The following CCDC148 variants were observed in gnomAD, a reference collection of about 807,000 sequenced individuals.
CCDC148 encodes the protein coiled-coil domain-containing protein 148.
Under a neutral mutation model 85.7 loss-of-function variants are expected in CCDC148, and 89 were observed. The ratio of observed to expected loss-of-function variants is 1.04; its 90% CI spans 0.87 to 1.24. The LOEUF (loss-of-function observed/expected upper bound fraction) is 1.24, where lower values mean the gene tolerates loss of function less well. Ranked by LOEUF, CCDC148 falls within the 50% of genes most tolerant of loss-of-function variation. The probability of loss-of-function intolerance (pLI) is 0.00; values close to 1 mark genes in which losing one functional copy is unlikely to be tolerated. For synonymous variants in CCDC148, 230 were observed against 213.9 expected, an observed-to-expected ratio of 1.08 and a Z score of -0.66; for missense variants, 692 against 671.7, an observed-to-expected ratio of 1.03 and a Z score of -0.33.
intron 10 of CCDC148, among the ~76,000 whole-genome samples, chr2:158,248,667 G>C (rs1430453546): frequency 2.6e-5 from 4 of 152,052 alleles, no homozygotes; most frequent in Non-Finnish European, 5.9e-5. Flanking sequence ...GGACAAAAAT[G>C]CATTCTAGGC....
intron 11 of CCDC148, among the ~76,000 whole-genome samples, chr2:158,203,222 C>T (rs1686058933): frequency 6.6e-6 from 1 of 152,154 alleles, no homozygotes; most frequent in African/African-American, 2.4e-5. Flanking sequence ...GAGGTCTTTA[C>T]CTTGACAGAT....
At chr2:158,281,182 T>C (rs1005688863) in intron 9 of CCDC148, among the ~76,000 whole-genome samples, 2 of 151,564 alleles carry the variant, frequency 1.3e-5, no homozygotes, top group Non-Finnish European at 2.9e-5. Flanking sequence ...GCAGGAAAGA[T>C]CCAAAATTGA....
In CCDC148 at chr2:158,321,183, T is replaced by C. The variant is rs1692504140; in HGVS notation, c.765-7289A>G. Reference sequence around the variant, plus strand: ...TGGTTTTTGGTGTTTAAAGGAAGAGTATAAAACCATAAAGTAGTTATTATG... The same window carrying C: ...TGGTTTTTGGTGTTTAAAGGAAGAGCATAAAACCATAAAGTAGTTATTATG... On this transcript the variant is annotated intron_variant, in intron 7 of 13. Coordinates refer to ENST00000283233, the MANE Select transcript of CCDC148 (RefSeq NM_138803.4). 2.6e-5 allele frequency among the ~76,000 whole-genome samples: 4 copies of C among 151,996 alleles called. No individual in the cohort carries two copies. The South Asian group carries it at 8.3e-4, about 32-fold the overall frequency.
intron 1 of CCDC148, among the ~76,000 whole-genome samples, chr2:158,419,578 T>C (rs1686671006): frequency 6.6e-6 from 1 of 152,204 alleles, no homozygotes; most frequent in Non-Finnish European, 1.5e-5. Context: ...ATAGGATTAG[T>C]AATGTTTGTA....
At chr2:158,357,924 T>C (rs1683744505) in intron 2 of CCDC148, among the ~76,000 whole-genome samples, 1 of 152,148 alleles carries the variant, frequency 6.6e-6, no homozygotes, top group African/African-American at 2.4e-5. Context: ...TCACAGTGTG[T>C]GAGTAATCCT....
intron 9 of CCDC148, among the ~76,000 whole-genome samples, chr2:158,282,526 C>G (rs575780950): frequency 6.6e-6 from 1 of 152,156 alleles, no homozygotes; most frequent in Non-Finnish European, 1.5e-5. Context: ...CTCCCATTCA[C>G]AATTGCTTCA....
intron 7 of CCDC148, among the ~76,000 whole-genome samples, chr2:158,323,620 C>G (rs1692620920): frequency 6.6e-6 from 1 of 152,244 alleles, no homozygotes; most frequent in Admixed American, 6.5e-5. Context: ...GCTCTCTATT[C>G]AGATGTGCAG....
chr2:158,373,204 C>A (rs1574713153), intron 1 of CCDC148, among the ~76,000 whole-genome samples: 1 of 152,028 alleles, frequency 6.6e-6, no homozygotes, highest in Non-Finnish European at 1.5e-5. Context: ...GTTGAAGAAG[C>A]ATGAAACCAT....
chr2:158,329,931 A>T (rs76716395), intron 7 of CCDC148, among the ~76,000 whole-genome samples: 25,492 of 151,980 alleles, frequency 0.17, 3,416 homozygotes, highest in African/African-American at 0.38. Flanking sequence ...GGTTTTCTAG[A>T]TATAAAATAT....
intron 9 of CCDC148, among the ~76,000 whole-genome samples, chr2:158,308,730 CCTCCAGGA>C (rs1691816974): frequency 6.6e-6 from 1 of 152,190 alleles, no homozygotes; most frequent in African/African-American, 2.4e-5. Context: ...CCACATCAGG[CCTCCAGGA>C]CTCATGCACT....
chr2:158,330,987 G>C (rs1363704668), intron 7 of CCDC148, among the ~76,000 whole-genome samples: 1 of 151,940 alleles, frequency 6.6e-6, no homozygotes, highest in Non-Finnish European at 1.5e-5. Context: ...TTTTTTGAAG[G>C]GTTTTTCTGT....
chr2:158,456,614 C>T lies in CCDC148; in HGVS notation c.-175G>A, dbSNP rs998714972. 3.8e-6 allele frequency: 3 copies of T among 780,836 alleles called. No homozygotes were observed. Among genetic ancestry groups the T allele is most frequent in the Admixed American group, 3.0e-5 (1 of 33,636 alleles). The allele number at this position is 780,836 out of a possible 1,614,324, so 48.4% of individuals were successfully genotyped here. Reference sequence around the variant, plus strand: ...GGATTGGCAGTAAGGCAAGGAAAGCCTGCCCCAGATTTCAGAGCCAGCGCT... The same window carrying T: ...GGATTGGCAGTAAGGCAAGGAAAGCTTGCCCCAGATTTCAGAGCCAGCGCT... On this transcript the variant is annotated 5_prime_UTR_variant, in exon 1 of 14. Coordinates refer to ENST00000283233, the MANE Select transcript of CCDC148 (RefSeq NM_138803.4).
chr2:158,233,236 C>A (rs918401055), intron 10 of CCDC148, among the ~76,000 whole-genome samples: 4 of 152,048 alleles, frequency 2.6e-5, no homozygotes, highest in Non-Finnish European at 4.4e-5. Context: ...ATATACATAG[C>A]ATTGTTATAT....
At chr2:158,315,740 C>T (rs924555731) in intron 7 of CCDC148, among the ~76,000 whole-genome samples, 6 of 151,974 alleles carry the variant, frequency 3.9e-5, no homozygotes, top group African/African-American at 1.4e-4. Flanking sequence ...TGGAGAATTG[C>T]TATGGACCAA....
intron 9 of CCDC148, among the ~76,000 whole-genome samples, chr2:158,302,005 T>C (rs1412430220): frequency 6.6e-6 from 1 of 152,204 alleles, no homozygotes; most frequent in African/African-American, 2.4e-5. Context: ...GTCATGTTTA[T>C]AGGCTGAAGG....
chr2:158,371,178 A>C (rs1684424544), intron 1 of CCDC148, among the ~76,000 whole-genome samples: 1 of 152,052 alleles, frequency 6.6e-6, no homozygotes, highest in Non-Finnish European at 1.5e-5. Context: ...AGAATCCTTC[A>C]AGATATAAAC....
At chr2:158,447,608 T>C (rs1688214733) in intron 1 of CCDC148, 1 of 152,236 alleles carries the variant, frequency 6.6e-6, no homozygotes, top group Non-Finnish European at 1.5e-5. Context: ...ATTTTACTGG[T>C]AGTGTACTGG....
At position 158,240,452 on chromosome 2, in the gene CCDC148, T is replaced by TCTCACA. The variant is rs941238898; in HGVS notation, c.1251+10319_1251+10320insTGTGAG. On this transcript the variant is annotated intron_variant, in intron 10 of 13. Transcript: ENST00000283233. The stretch of plus-strand genomic sequence containing the variant: ...CTCTCTCTTTCTCTCTCTCTCTCTC[T>TCTCACA]CACACACACACACACACACACACAC... 2.6e-3 allele frequency among the ~76,000 whole-genome samples: 314 copies of TCTCACA among 120,546 alleles called. 3 individuals carry two copies. Among genetic ancestry groups the TCTCACA allele is most frequent in the African/African-American group, 9.0e-3 (293 of 32,618 alleles). 79.1% of individuals were successfully genotyped at this position (120,546 alleles called of 152,430 possible). A position where few individuals can be genotyped will look rare whatever the true frequency, so the allele number is the denominator to read the frequency against.
chr2:158,399,597 T>A (rs1242148666), intron 1 of CCDC148, among the ~76,000 whole-genome samples: 1 of 152,102 alleles, frequency 6.6e-6, no homozygotes, highest in Non-Finnish European at 1.5e-5. Flanking sequence ...TAAAAAACTC[T>A]CAATAAACTA....
Sources: allele counts gnomAD v4.1 joint callset (sites outside exome capture counted in the v4.1 genomes callset), GRCh38; gene constraint gnomAD v4.1.1; transcripts MANE v1.5; gene names NCBI Gene and HGNC (gene_info 2026-07-23, HGNC 2026-07-21).